Variants in TRA2B observed in about 807,000 individuals in gnomAD.
The protein encoded by TRA2B is transformer-2 protein homolog beta.
TRA2B carries 14 observed loss-of-function variants against 41.7 expected under a neutral mutation model. That is an observed-to-expected ratio of 0.34 (90% CI 0.22 to 0.53). The LOEUF (loss-of-function observed/expected upper bound fraction) is 0.53, where lower values mean the gene tolerates loss of function less well. Ranked by LOEUF, TRA2B falls within the 20% of genes least tolerant of loss-of-function variation. TRA2B has a pLI of 0.95. For missense variants in TRA2B, 167 were observed against 396.8 expected (o/e 0.42, Z 4.92); for synonymous variants, 130 against 128.8 (o/e 1.01, Z -0.06).
chr3:185,915,150 G>A lies in TRA2B; in HGVS notation c.*2565C>T, dbSNP rs1471329370. On this transcript the variant is annotated 3_prime_UTR_variant, in exon 9 of 9. Coordinates refer to ENST00000453386, the MANE Select transcript of TRA2B (RefSeq NM_004593.3). ...CGGAGCTCAGGCAATCCATGGCCAGGAGATCGGAAACCCCTGCTCCCAGGT... is the reference window on the plus strand; with the variant it reads ...CGGAGCTCAGGCAATCCATGGCCAGAAGATCGGAAACCCCTGCTCCCAGGT... Among the ~76,000 whole-genome samples, 1 of 147,296 alleles carries A rather than the reference G, an allele frequency of 6.8e-6. No homozygotes were observed. Among genetic ancestry groups the A allele is most frequent in the Non-Finnish European group, 1.5e-5 (1 of 64,570 alleles).
At chr3:185,929,091 A>G (rs1441763927) in intron 1 of TRA2B, 1 of 152,220 alleles carries the variant, frequency 6.6e-6, no homozygotes, top group Non-Finnish European at 1.5e-5. Flanking sequence ...TGGGCCAGGA[A>G]TAAGGGAAAT....
chr3:185,916,280 T>A lies in TRA2B; in HGVS notation c.*1435A>T, dbSNP rs1366943305. 6.6e-6 allele frequency: 1 copy of A among 152,208 alleles called. No individual in the cohort carries two copies. The highest frequency in any genetic ancestry group is 6.5e-5 in the Admixed American group (1 of 15,276). The allele number at this position is 152,208 out of a possible 1,614,324, so 9.4% of individuals were successfully genotyped here. A position where few individuals can be genotyped will look rare whatever the true frequency, so the allele number is the denominator to read the frequency against. On this transcript the variant is annotated 3_prime_UTR_variant, in exon 9 of 9. Transcript: ENST00000453386. ...TGGACTAAGATCACCTAGGTTCAATTCAGATCGTGGCATTGCCACTTAAAC... is the reference window on the plus strand; with the variant it reads ...TGGACTAAGATCACCTAGGTTCAATACAGATCGTGGCATTGCCACTTAAAC...
At chr3:185,922,795 A>G (rs1263977667) in intron 4 of TRA2B, 2 of 152,224 alleles carry the variant, frequency 1.3e-5, no homozygotes, top group Non-Finnish European at 2.9e-5. Context: ...CAAACACATT[A>G]AAGTTTGTTC....
At chr3:185,933,978 A>G (rs979467177) in intron 1 of TRA2B, among the ~76,000 whole-genome samples, 1 of 152,162 alleles carries the variant, frequency 6.6e-6, no homozygotes, top group Non-Finnish European at 1.5e-5. Flanking sequence ...ATCAATCTCA[A>G]TGTAACCTCC....
chr3:185,936,676 GTTTTT>G (rs35441764), intron 1 of TRA2B: 39 of 825,822 alleles, frequency 4.7e-5, no homozygotes, highest in Non-Finnish European at 4.9e-5. Context: ...GTAACAAATT[GTTTTT>G]TTTTTTTAAA....
Position 185,914,836 on chromosome 3 carries a change from C to G in TRA2B, c.*2879G>C, listed in dbSNP as rs1743447491. 6.6e-6 allele frequency among the ~76,000 whole-genome samples: 1 copy of G among 152,020 alleles called. No homozygotes were observed. The highest frequency in any genetic ancestry group is 1.5e-5 in the Non-Finnish European group (1 of 68,018). ...TTACAGAAATTTTGATAATGCAAAC[C>G]AAATCTTTTTATTTCTTCTCGGTGA... On this transcript the variant is annotated 3_prime_UTR_variant, in exon 9 of 9. Coordinates refer to ENST00000453386, the MANE Select transcript of TRA2B (RefSeq NM_004593.3).
intron 1 of TRA2B, chr3:185,928,968 T>A (rs1744052881): frequency 6.6e-6 from 1 of 152,184 alleles, no homozygotes; most frequent in South Asian, 2.1e-4. Context: ...AATGAAGTTT[T>A]CTCCTTAAAA....
intron 1 of TRA2B, among the ~76,000 whole-genome samples, chr3:185,929,756 A>G (rs1003930234): frequency 4.6e-5 from 7 of 152,224 alleles, no homozygotes; most frequent in Non-Finnish European, 1.0e-4. Flanking sequence ...GATTTAAAAT[A>G]GTGGCTCATA....
At chr3:185,920,516 TC>T (rs1743679935) in intron 6 of TRA2B, among the ~76,000 whole-genome samples, 2 of 152,272 alleles carry the variant, frequency 1.3e-5, no homozygotes, top group East Asian at 1.9e-4. Context: ...CTCAAGCAAT[TC>T]CCCTGCCTCA....
In TRA2B at chr3:185,917,582, T is replaced by C. The variant is rs945933136; in HGVS notation, c.*133A>G. The C allele has an allele frequency of 7.6e-6, 6 of 792,984 alleles. No individual in the cohort carries two copies. Among genetic ancestry groups the C allele is most frequent in the East Asian group, 2.7e-5 (1 of 37,514 alleles). 49.1% of individuals were successfully genotyped at this position (792,984 alleles called of 1,614,324 possible). On this transcript the variant is annotated 3_prime_UTR_variant, in exon 9 of 9. Coordinates refer to ENST00000453386, the MANE Select transcript of TRA2B (RefSeq NM_004593.3). The stretch of plus-strand genomic sequence containing the variant: ...AACAGCATTTCAACTCCACCAAAAG[T>C]AGTCATCGTAAAAGGTGTAAAAGTC...
At chr3:185,921,969 G>T in intron 5 of TRA2B, 42 bp downstream of exon 5, 1 of 1,476,128 alleles carries the variant, frequency 6.8e-7, no homozygotes, top group Non-Finnish European at 9.4e-7. Flanking sequence ...TCTTTGACAA[G>T]TGAAAAACTG....
At chr3:185,921,780 A>C (rs548931321) in intron 5 of TRA2B, among the ~76,000 whole-genome samples, 1 of 152,180 alleles carries the variant, frequency 6.6e-6, no homozygotes, top group African/African-American at 2.4e-5. Flanking sequence ...AAACAAAAAC[A>C]AAACCAAACA....
intron 1 of TRA2B, chr3:185,936,318 A>G: frequency 1.0e-6 from 1 of 985,448 alleles, no homozygotes; most frequent in Non-Finnish European, 1.2e-6. Flanking sequence ...ACAACTTTTG[A>G]GCTCAATCCC....
At chr3:185,926,493 T>G in intron 2 of TRA2B, 108 bp downstream of exon 2, 1 of 1,446,076 alleles carries the variant, frequency 6.9e-7, no homozygotes, top group East Asian at 2.3e-5. Context: ...GTACCAATAT[T>G]TAATAGGCCA....
chr3:185,936,187 C>T, intron 1 of TRA2B: 1 of 985,280 alleles, frequency 1.0e-6, no homozygotes, highest in South Asian at 4.7e-5. Context: ...AGAAAGGTAC[C>T]CAATAATTGA....
At chr3:185,936,196 G>C (rs1211847222) in intron 1 of TRA2B, 1 of 985,226 alleles carries the variant, frequency 1.0e-6, no homozygotes, top group Non-Finnish European at 1.2e-6. Context: ...CCCAATAATT[G>C]AATTTTTCTG....
At chr3:185,936,695 G>C in intron 1 of TRA2B, 1 of 978,496 alleles carries the variant, frequency 1.0e-6, no homozygotes, top group Non-Finnish European at 1.2e-6. Flanking sequence ...TTTTAAAAAA[G>C]CACAAATTAT....
chr3:185,920,569 T>A (rs6777847), intron 6 of TRA2B, among the ~76,000 whole-genome samples: 20,617 of 152,146 alleles, frequency 0.14, 1,948 homozygotes, highest in African/African-American at 0.26. Flanking sequence ...TTATTTATTT[T>A]TTTTTTTGAG....
intron 6 of TRA2B, 36 bp downstream of exon 6, chr3:185,921,068 A>T (rs775922687): frequency 5.1e-6 from 8 of 1,577,052 alleles, no homozygotes; most frequent in Non-Finnish European, 7.0e-6. Context: ...CACTGTACTG[A>T]GATTCAGACG....
Sources: allele counts gnomAD v4.1 joint callset (sites outside exome capture counted in the v4.1 genomes callset), GRCh38; gene constraint gnomAD v4.1.1; transcripts MANE v1.5; gene names NCBI Gene and HGNC (gene_info 2026-07-23, HGNC 2026-07-21).